Variants in DYNLT5 observed in about 807,000 individuals in gnomAD.
The protein encoded by DYNLT5 is dynein light chain Tctex-type 5.
Under a neutral mutation model 19.3 loss-of-function variants are expected in DYNLT5, and 25 were observed. That is an observed-to-expected ratio of 1.30 (90% CI 0.95 to 1.81). The LOEUF (loss-of-function observed/expected upper bound fraction) is 1.81, where lower values mean the gene tolerates loss of function less well. Ranked by LOEUF, DYNLT5 falls within the 40% of genes most tolerant of loss-of-function variation. DYNLT5 has a pLI of 0.00. For missense variants in DYNLT5, 232 were observed against 217.9 expected (o/e 1.06, Z -0.41); for synonymous variants, 82 against 68.9 (o/e 1.19, Z -0.94).
chr1:66,776,086 C>T (rs934589274), intron 3 of DYNLT5, 193 bp from the exon 4 acceptor site: 13 of 585,238 alleles, frequency 2.2e-5, no homozygotes, highest in Admixed American at 2.2e-4. Context: ...CGTAAATGTA[C>T]GAAAATATTG....
rs766237410 is a variant in DYNLT5, at chr1:66,770,485, T to G, written c.211+7T>G. ...GAAAACACCTATCAGTTGGGTGTGT[T>G]CTTTTATCTCTCACTCCTATTTTAA... On this transcript the variant is annotated splice_region_variant and intron_variant, in intron 3 of 4. Transcript: ENST00000282670. 6.3e-7 allele frequency: 1 copy of G among 1,595,898 alleles called. No individual in the cohort carries two copies. The highest frequency in any genetic ancestry group is 8.6e-7 in the Non-Finnish European group (1 of 1,163,770).
intron 3 of DYNLT5, among the ~76,000 whole-genome samples, chr1:66,772,587 T>C (rs1645210243): frequency 6.6e-6 from 1 of 152,218 alleles, no homozygotes; most frequent in Admixed American, 6.5e-5. Flanking sequence ...CTTTACAATG[T>C]AATACTGGCC....
intron 2 of DYNLT5, among the ~76,000 whole-genome samples, chr1:66,759,660 T>TA (rs2094642501): frequency 6.6e-6 from 1 of 152,066 alleles, no homozygotes; most frequent in Non-Finnish European, 1.5e-5. Context: ...AGAAAAAATA[T>TA]AAATTAAAAC....
At chr1:66,775,452 C>T (rs903065067) in intron 3 of DYNLT5, 6 of 152,148 alleles carry the variant, frequency 3.9e-5, no homozygotes, top group Non-Finnish European at 7.4e-5. Context: ...TAATGATTAT[C>T]TATAAAATTT....
chr1:66,758,329 C>A (rs2094640077), intron 2 of DYNLT5, among the ~76,000 whole-genome samples: 1 of 152,206 alleles, frequency 6.6e-6, no homozygotes, highest in Non-Finnish European at 1.5e-5. Context: ...GTGCTTCTCT[C>A]ATTTCCTTAA....
intron 3 of DYNLT5, chr1:66,774,905 A>G (rs1645225767): frequency 6.6e-6 from 1 of 152,222 alleles, no homozygotes. Context: ...TTTGACCCTG[A>G]CAGATACAGT....
intron 2 of DYNLT5, among the ~76,000 whole-genome samples, chr1:66,761,117 A>C (rs993510953): frequency 2.0e-5 from 3 of 152,200 alleles, no homozygotes; most frequent in African/African-American, 7.2e-5. Context: ...AATGGAGCAA[A>C]TAATGTGAGT....
At chr1:66,752,950 G>A (rs867249337) in intron 1 of DYNLT5, among the ~76,000 whole-genome samples, 3 of 152,322 alleles carry the variant, frequency 2.0e-5, no homozygotes, top group South Asian at 4.1e-4. Context: ...GGGCAGCTTT[G>A]GAAACAGCTG....
At chr1:66,757,523 C>A (rs1207754750) in intron 2 of DYNLT5, among the ~76,000 whole-genome samples, 1 of 152,126 alleles carries the variant, frequency 6.6e-6, no homozygotes, top group African/African-American at 2.4e-5. Flanking sequence ...TAGACCTGGA[C>A]ATACATATAT....
At chr1:66,776,487 G>C in intron 4 of DYNLT5, 84 bp downstream of exon 4, 1 of 1,466,728 alleles carries the variant, frequency 6.8e-7, no homozygotes, top group South Asian at 1.5e-5. Flanking sequence ...TTTGATGAGG[G>C]GAATTAATTT....
intron 2 of DYNLT5, among the ~76,000 whole-genome samples, chr1:66,755,280 A>G (rs1280857839): frequency 6.6e-6 from 1 of 151,518 alleles, no homozygotes; most frequent in Non-Finnish European, 1.5e-5. Flanking sequence ...GTTTGTTTCC[A>G]TTTTTTTTCT....
At chr1:66,773,401 ATC>A (rs996437426) in intron 3 of DYNLT5, among the ~76,000 whole-genome samples, 37 of 152,102 alleles carry the variant, frequency 2.4e-4, no homozygotes, top group African/African-American at 8.5e-4. Context: ...GAGCCTGTCA[ATC>A]TCTCAGCATT....
At chr1:66,764,092 G>A (rs1269507392) in intron 2 of DYNLT5, among the ~76,000 whole-genome samples, 1 of 152,114 alleles carries the variant, frequency 6.6e-6, no homozygotes, top group Non-Finnish European at 1.5e-5. Context: ...GGAGACTGAG[G>A]TGGGAGGATC....
rs550012144 is a variant in DYNLT5, at chr1:66,778,712, T to G, written c.*1258T>G. 2 of 152,648 alleles carry G rather than the reference T, an allele frequency of 1.3e-5. No individual in the cohort carries two copies. Among genetic ancestry groups the G allele is most frequent in the East Asian group, 3.9e-4 (2 of 5,192 alleles). The allele number at this position is 152,648 out of a possible 1,614,324, so 9.5% of individuals were successfully genotyped here. A position where few individuals can be genotyped will look rare whatever the true frequency, so the allele number is the denominator to read the frequency against. On this transcript the variant is annotated 3_prime_UTR_variant, in exon 5 of 5. Transcript: ENST00000282670. ...GTCTTACTTTTCCCTAAAAATGACA[T>G]GTAGTAAAAAATGGATACTTTTAAA...
chr1:66,752,589 G>T lies in DYNLT5; in HGVS notation c.-4+5G>T, dbSNP rs576203229. 3.5e-5 allele frequency: 34 copies of T among 985,416 alleles called. No homozygotes were observed. The highest frequency in any genetic ancestry group is 6.1e-5 in the Admixed American group (1 of 16,276). The allele number at this position is 985,416 out of a possible 1,614,324, so 61.0% of individuals were successfully genotyped here. Reference sequence around the variant, plus strand: ...GGCGAAGCCTCCCTGCTGCAGGTAGGGTCGCCTCTCTCTGCAGCGCGTCTG... The same window carrying T: ...GGCGAAGCCTCCCTGCTGCAGGTAGTGTCGCCTCTCTCTGCAGCGCGTCTG... On this transcript the variant is annotated splice_donor_5th_base_variant and intron_variant, in intron 1 of 4. Transcript: ENST00000282670.
intron 1 of DYNLT5, among the ~76,000 whole-genome samples, chr1:66,753,610 T>C (rs2094630925): frequency 6.6e-6 from 1 of 152,214 alleles, no homozygotes; most frequent in African/African-American, 2.4e-5. Flanking sequence ...TTAATTTTTA[T>C]TTATTTATTT....
At chr1:66,756,500 A>T (rs1572542646) in intron 2 of DYNLT5, among the ~76,000 whole-genome samples, 1 of 152,358 alleles carries the variant, frequency 6.6e-6, no homozygotes, top group African/African-American at 2.4e-5. Context: ...TGTTTTATGG[A>T]AAAACATATA....
At chr1:66,766,692 T>G (rs913428360) in intron 2 of DYNLT5, among the ~76,000 whole-genome samples, 1 of 152,228 alleles carries the variant, frequency 6.6e-6, no homozygotes, top group African/African-American at 2.4e-5. Context: ...ATTTTCCTTC[T>G]TTTTTGTTCT....
At chr1:66,759,729 ATGT>A (rs2094642582) in intron 2 of DYNLT5, among the ~76,000 whole-genome samples, 1 of 152,216 alleles carries the variant, frequency 6.6e-6, no homozygotes, top group African/African-American at 2.4e-5. Context: ...ATAATACCAA[ATGT>A]TGGCAAGGCA....
Sources: gnomAD v4.1 joint callset for allele counts (sites outside exome capture counted in the v4.1 genomes callset) on GRCh38, gnomAD v4.1.1 for gene constraint, MANE v1.5 for transcripts, NCBI Gene and HGNC (gene_info 2026-07-23, HGNC 2026-07-21) for gene names.